MINDY3: variants seen among roughly 807,000 people sequenced by gnomAD.
The protein encoded by MINDY3 is ubiquitin carboxyl-terminal hydrolase MINDY-3.
MINDY3 carries 38 observed loss-of-function variants against 69.2 expected under a neutral mutation model. The ratio of observed to expected loss-of-function variants is 0.55; its 90% CI spans 0.42 to 0.72. MINDY3 has a LOEUF of 0.72. Ranked by LOEUF, MINDY3 falls within the 30% of genes least tolerant of loss-of-function variation. The probability of loss-of-function intolerance (pLI) is 0.00; values close to 1 mark genes in which losing one functional copy is unlikely to be tolerated. For missense variants in MINDY3, 522 were observed against 519.0 expected (o/e 1.01, Z -0.06); for synonymous variants, 192 against 180.1 (o/e 1.07, Z -0.53).
At chr10:15,822,930 C>G (rs1032665577) in intron 8 of MINDY3, among the ~76,000 whole-genome samples, 2 of 152,072 alleles carry the variant, frequency 1.3e-5, no homozygotes, top group Admixed American at 1.3e-4. Context: ...ATCTAAAAAG[C>G]ATTTCTTTCT....
chr10:15,849,234 A>G (rs1834092748), intron 1 of MINDY3, among the ~76,000 whole-genome samples: 1 of 152,188 alleles, frequency 6.6e-6, no homozygotes, highest in Admixed American at 6.5e-5. Flanking sequence ...TAAAGAAAAT[A>G]CCTTAATTAA....
intron 8 of MINDY3, among the ~76,000 whole-genome samples, chr10:15,830,052 AC>A (rs1350864201): frequency 6.6e-6 from 1 of 152,218 alleles, no homozygotes; most frequent in East Asian, 1.9e-4. Flanking sequence ...CTCATTAGAT[AC>A]ATGACAGTAA....
intron 1 of MINDY3, among the ~76,000 whole-genome samples, chr10:15,857,258 T>C (rs919358484): frequency 1.2e-4 from 19 of 152,204 alleles, no homozygotes; most frequent in Non-Finnish European, 2.1e-4. Flanking sequence ...TGGAGCACTC[T>C]TTCTTCCGAC....
At chr10:15,834,901 A>G (rs558705214) in intron 6 of MINDY3, among the ~76,000 whole-genome samples, 7 of 152,194 alleles carry the variant, frequency 4.6e-5, no homozygotes, top group South Asian at 4.1e-4. Context: ...TTAATAGGAG[A>G]AAGGAGAAAT....
rs1422305847 is a variant in MINDY3, at chr10:15,808,648, A to C, written c.882+8187T>G. On this transcript the variant is annotated intron_variant, in intron 10 of 14. Transcript: ENST00000277632. Reference sequence around the variant, plus strand: ...AATAATTTTTTCCTCCTTAGCATTAAATTCAGTTTCTTTATATGAACAGTT... The same window carrying C: ...AATAATTTTTTCCTCCTTAGCATTACATTCAGTTTCTTTATATGAACAGTT... Among the ~76,000 whole-genome samples, 3 of 152,284 alleles carry C rather than the reference A, an allele frequency of 2.0e-5. No homozygotes were observed. In the South Asian group the frequency reaches 6.2e-4, roughly 32 times the overall value.
intron 3 of MINDY3, 78 bp downstream of exon 3, chr10:15,843,134 T>C: frequency 8.3e-7 from 1 of 1,205,492 alleles, no homozygotes; most frequent in Non-Finnish European, 1.2e-6. Context: ...CACTGATACT[T>C]GACTTTCTCA....
In MINDY3 at chr10:15,860,360, G is replaced by T; in HGVS notation, c.-61C>A. 4 of 1,237,874 alleles carry T rather than the reference G, an allele frequency of 3.2e-6. No homozygotes were observed. The highest frequency in any genetic ancestry group is 4.6e-6 in the Non-Finnish European group (4 of 861,740). The allele number at this position is 1,237,874 out of a possible 1,614,324, so 76.7% of individuals were successfully genotyped here. A position where few individuals can be genotyped will look rare whatever the true frequency, so the allele number is the denominator to read the frequency against. On this transcript the variant is annotated 5_prime_UTR_variant, in exon 1 of 15. Transcript: ENST00000277632. ...ACTCCTGCCCCGGAACATGGGGAAG[G>T]GGCAACTCCGGAAACAGCAGCTGCG...
chr10:15,816,169 G>C (rs1033381920), intron 10 of MINDY3, among the ~76,000 whole-genome samples: 1 of 149,468 alleles, frequency 6.7e-6, no homozygotes, highest in Non-Finnish European at 1.5e-5. Context: ...GCTGAAGTGG[G>C]AGAATCGCTT....
At chr10:15,785,905 T>C (rs1400890624) in intron 13 of MINDY3, among the ~76,000 whole-genome samples, 1 of 152,228 alleles carries the variant, frequency 6.6e-6, no homozygotes, top group Admixed American at 6.5e-5. Flanking sequence ...TATACTGATA[T>C]CTGATAAAAT....
At chr10:15,853,000 C>T (rs765884812) in intron 1 of MINDY3, among the ~76,000 whole-genome samples, 9 of 151,786 alleles carry the variant, frequency 5.9e-5, no homozygotes, top group East Asian at 3.9e-4. Flanking sequence ...TAGGGGAAGT[C>T]GTGTGTAGGT....
At chr10:15,855,175 G>A (rs1834603223) in intron 1 of MINDY3, among the ~76,000 whole-genome samples, 1 of 152,074 alleles carries the variant, frequency 6.6e-6, no homozygotes, top group Admixed American at 6.6e-5. Flanking sequence ...TGAATTCTAA[G>A]CAGTTATGCT....
Position 15,841,318 on chromosome 10 carries a change from G to T in MINDY3, c.409+108C>A, listed in dbSNP as rs1023393881. The T allele has an allele frequency of 7.1e-6, 6 of 848,516 alleles. No individual in the cohort carries two copies. The African/African-American group carries it at 1.0e-4, about 15-fold the overall frequency. The allele number at this position is 848,516 out of a possible 1,614,324, so 52.6% of individuals were successfully genotyped here. On this transcript the variant is annotated intron_variant, in intron 4 of 14. Transcript: ENST00000277632. ...CAGTAATTAAGCTTAAGCTGGAAAAGAATACATGTTATGAAAATTTTAAGT... is the reference window on the plus strand; with the variant it reads ...CAGTAATTAAGCTTAAGCTGGAAAATAATACATGTTATGAAAATTTTAAGT...
intron 9 of MINDY3, 127 bp from the exon 10 acceptor site, chr10:15,817,042 C>T (rs1175469970): frequency 1.0e-5 from 7 of 696,446 alleles, no homozygotes; most frequent in South Asian, 7.4e-5. Context: ...GTATTGTGCC[C>T]GAGCACTTCA....
At chr10:15,832,203 G>A (rs1840517221) in intron 8 of MINDY3, among the ~76,000 whole-genome samples, 1 of 152,092 alleles carries the variant, frequency 6.6e-6, no homozygotes, top group African/African-American at 2.4e-5. Context: ...AGACAGTGTG[G>A]GAAGGGTCAG....
At chr10:15,800,142 CTG>C (rs1838156621) in intron 10 of MINDY3, among the ~76,000 whole-genome samples, 1 of 152,096 alleles carries the variant, frequency 6.6e-6, no homozygotes, top group Non-Finnish European at 1.5e-5. Flanking sequence ...AACTCGCAAA[CTG>C]TGCAGCCTAG....
At chr10:15,856,924 C>G (rs188382812) in intron 1 of MINDY3, among the ~76,000 whole-genome samples, 2 of 152,238 alleles carry the variant, frequency 1.3e-5, no homozygotes, top group African/African-American at 2.4e-5. Context: ...CTGCCATTGT[C>G]TCTTATCTGA....
rs561832716 is a variant in MINDY3 at position 15,807,777 on chromosome 10, A to G, written c.882+9058T>C. On this transcript the variant is annotated intron_variant, in intron 10 of 14. Transcript: ENST00000277632. ...TCCAGGAAGGCTGACATCACTGATG[A>G]CTGAGAAGTAATAAGTAAAAGAAAA... 2.0e-5 allele frequency among the ~76,000 whole-genome samples: 3 copies of G among 152,322 alleles called. No homozygotes were observed. In the East Asian group the frequency reaches 5.8e-4, roughly 29 times the overall value.
At chr10:15,794,110 C>T (rs765391141) in intron 11 of MINDY3, among the ~76,000 whole-genome samples, 3 of 151,982 alleles carry the variant, frequency 2.0e-5, no homozygotes, top group Non-Finnish European at 4.4e-5. Context: ...TATAAAAATA[C>T]TCCTGGGTAC....
At chr10:15,844,118 TTAAA>T (rs1395323602) in intron 2 of MINDY3, among the ~76,000 whole-genome samples, 2 of 152,132 alleles carry the variant, frequency 1.3e-5, no homozygotes, top group Non-Finnish European at 2.9e-5. Flanking sequence ...TGTACAAACT[TTAAA>T]AGTTTGCAGC....
Sources: gnomAD v4.1 joint callset for allele counts (sites outside exome capture counted in the v4.1 genomes callset) on GRCh38, gnomAD v4.1.1 for gene constraint, MANE v1.5 for transcripts, NCBI Gene and HGNC (gene_info 2026-07-23, HGNC 2026-07-21) for gene names.